Variants in TTC39C observed in about 807,000 individuals in gnomAD.
TTC39C encodes the protein tetratricopeptide repeat domain 39C.
Under a neutral mutation model 76.3 loss-of-function variants are expected in TTC39C, and 33 were observed. The observed-to-expected ratio is 0.43, with a 90% CI of 0.33 to 0.58. The LOEUF (loss-of-function observed/expected upper bound fraction) is 0.58. Ranked by LOEUF, TTC39C falls within the 20% of genes least tolerant of loss-of-function variation. TTC39C has a pLI of 0.04. For missense variants in TTC39C, 595 were observed against 701.4 expected (o/e 0.85, Z 1.71); for synonymous variants, 254 against 260.6 (o/e 0.97, Z 0.24).
intron 6 of TTC39C, among the ~76,000 whole-genome samples, chr18:24,097,565 T>C (rs2084606173): frequency 6.6e-6 from 1 of 152,208 alleles, no homozygotes; most frequent in Non-Finnish European, 1.5e-5. Context: ...GAGATGTCTA[T>C]GGTGTTGGCT....
intron 1 of TTC39C, among the ~76,000 whole-genome samples, chr18:24,049,692 A>G (rs950465062): frequency 1.3e-5 from 2 of 152,220 alleles, no homozygotes; most frequent in Non-Finnish European, 2.9e-5. Context: ...AGCAGGAACC[A>G]TTGAGGAGAG....
At chr18:24,030,648 C>CTTTTTTTTTTTTTT (rs1167104790) in intron 1 of TTC39C, among the ~76,000 whole-genome samples, 3 of 89,042 alleles carry the variant, frequency 3.4e-5, no homozygotes, top group Non-Finnish European at 6.1e-5. Flanking sequence ...AAAGATAGGC[C>CTTTTTTTTTTTTTT]TTTTTTTTTT....
intron 6 of TTC39C, among the ~76,000 whole-genome samples, chr18:24,089,396 C>T (rs990578938): frequency 6.6e-6 from 1 of 152,166 alleles, no homozygotes; most frequent in Non-Finnish European, 1.5e-5. Context: ...GTCTTCTCTT[C>T]CTGCATCCTA....
chr18:24,037,774 T>A (rs2083748734), intron 1 of TTC39C, among the ~76,000 whole-genome samples: 1 of 152,182 alleles, frequency 6.6e-6, no homozygotes, highest in South Asian at 2.1e-4. Flanking sequence ...TAAAGGGTAG[T>A]TGGTGGCAGG....
intron 4 of TTC39C, among the ~76,000 whole-genome samples, chr18:24,078,842 A>C (rs1261128547): frequency 6.6e-6 from 1 of 152,206 alleles, no homozygotes; most frequent in Non-Finnish European, 1.5e-5. Context: ...CACTCTTATC[A>C]GTCCTGGAAA....
At position 24,114,587 on chromosome 18, in the gene TTC39C, A is replaced by T. The variant is rs774259502; in HGVS notation, c.1018A>T (p.Thr340Ser). ...CAACAGTGCCTTGACATCTTTCCAC[A>T]CTGCTTTGGAACTTGCAGTAGACCA... ...QINSALTSFH[T>S]ALELAVDQRE... Residue 340 changes from threonine (T) to serine (S), a missense_variant, in exon 7 of 14, where the codon ACT (threonine) becomes TCT (serine). Physicochemically the swap from Thr to Ser is moderately conservative, Grantham distance 58 (BLOSUM62 1). Transcript: ENST00000317571. 6.2e-7 allele frequency: 1 copy of T among 1,614,006 alleles called. No homozygotes were observed. Among genetic ancestry groups the T allele is most frequent in the East Asian group, 2.2e-5 (1 of 44,862 alleles).
chr18:23,997,121 A>T (rs1476026130), intron 1 of TTC39C, among the ~76,000 whole-genome samples: 1 of 151,584 alleles, frequency 6.6e-6, no homozygotes. Context: ...AAAGAAAAAA[A>T]AGAAATTGGT....
chr18:24,129,790 A>G (rs1336123425), intron 11 of TTC39C, among the ~76,000 whole-genome samples: 3 of 151,970 alleles, frequency 2.0e-5, no homozygotes, highest in Admixed American at 1.3e-4. Flanking sequence ...AAAAAAAAAA[A>G]AAGAATTAAT....
At position 24,065,797 on chromosome 18, in the gene TTC39C, C is replaced by T. The variant is rs114777097; in HGVS notation, c.217-215C>T. On this transcript the variant is annotated intron_variant, in intron 2 of 13. Transcript: ENST00000317571. Reference sequence around the variant, plus strand: ...CAGTAATGGCAAGGACATTTATTACCGTATTTCTTTCATGATGATGTGATA... The same window carrying T: ...CAGTAATGGCAAGGACATTTATTACTGTATTTCTTTCATGATGATGTGATA... Among the ~76,000 whole-genome samples the T allele has an allele frequency of 1.1e-3, 162 of 152,258 alleles. 1 individual carries two copies. The highest frequency in any genetic ancestry group is 3.6e-3 in the African/African-American group (148 of 41,550).
intron 1 of TTC39C, among the ~76,000 whole-genome samples, chr18:24,044,858 A>G (rs982785596): frequency 1.3e-5 from 2 of 152,166 alleles, no homozygotes; most frequent in Admixed American, 6.5e-5. Context: ...TGCCAGCATC[A>G]TTAACTTACC....
intron 1 of TTC39C, among the ~76,000 whole-genome samples, chr18:24,054,595 G>T (rs763717610): frequency 2.0e-5 from 3 of 152,096 alleles, no homozygotes; most frequent in Non-Finnish European, 4.4e-5. Flanking sequence ...TTGTCTGCAT[G>T]TGTTGAAAAG....
chr18:24,077,824 C>T (rs2084325466), intron 4 of TTC39C, among the ~76,000 whole-genome samples: 1 of 152,062 alleles, frequency 6.6e-6, no homozygotes, highest in East Asian at 1.9e-4. Context: ...TGGATTGTAA[C>T]TGAGCATCAT....
intron 1 of TTC39C, among the ~76,000 whole-genome samples, chr18:24,006,125 A>G (rs1018958287): frequency 1.3e-5 from 2 of 150,864 alleles, no homozygotes; most frequent in African/African-American, 4.9e-5. Context: ...CCATCCTCCC[A>G]CCTTAGTCTC....
chr18:24,060,373 A>G (rs1413392609), intron 1 of TTC39C, among the ~76,000 whole-genome samples: 2 of 127,788 alleles, frequency 1.6e-5, no homozygotes, highest in African/African-American at 5.9e-5. Context: ...GCTGAAGTGC[A>G]GTGGCGCGAT....
Position 24,069,267 on chromosome 18 carries a change from G to A in TTC39C, c.456G>A (p.Leu152=), listed in dbSNP as rs772613898. ...LAVLSFVKQE[L]SAYIKGGWIL... is the part of the protein sequence containing the mutation. ...TGCTTTCATTTGTAAAACAAGAATT[G>A]TCAGGTATGCTGAAGCATTATTTTT... The change falls in exon 4 of 14, where the codon TTG becomes TTA. Residue 152 remains leucine, a synonymous_variant. Coordinates refer to ENST00000317571, the MANE Select transcript of TTC39C (RefSeq NM_001135993.2). 1 of 1,612,724 alleles carries A rather than the reference G, an allele frequency of 6.2e-7. No homozygotes were observed. Among genetic ancestry groups the A allele is most frequent in the South Asian group, 1.1e-5 (1 of 91,030 alleles).
chr18:24,117,810 G>A (rs2084915512), intron 7 of TTC39C, among the ~76,000 whole-genome samples: 1 of 152,104 alleles, frequency 6.6e-6, no homozygotes. Flanking sequence ...TCTTGGAGAA[G>A]TACTGCTGTG....
At chr18:24,047,021 T>C (rs561654154) in intron 1 of TTC39C, among the ~76,000 whole-genome samples, 2 of 152,070 alleles carry the variant, frequency 1.3e-5, no homozygotes, top group Admixed American at 6.5e-5. Context: ...GACATTCATA[T>C]TCTGCCCTGC....
chr18:24,003,562 T>C (rs1599224084), intron 1 of TTC39C, among the ~76,000 whole-genome samples: 1 of 152,232 alleles, frequency 6.6e-6, no homozygotes, highest in East Asian at 1.9e-4. Context: ...GAATCATAAG[T>C]CATATTGGAT....
chr18:24,107,894 G>GGA (rs1003215251), intron 6 of TTC39C, among the ~76,000 whole-genome samples: 5 of 145,380 alleles, frequency 3.4e-5, no homozygotes, highest in African/African-American at 5.5e-5. Context: ...AAGTAGGGGG[G>GGA]GGGGTACAGG....
Sources: allele counts gnomAD v4.1 joint callset (sites outside exome capture counted in the v4.1 genomes callset), GRCh38; gene constraint gnomAD v4.1.1; transcripts MANE v1.5; gene names NCBI Gene and HGNC (gene_info 2026-07-23, HGNC 2026-07-21).